The following SCUBE1 variants were observed in gnomAD, a reference collection of about 807,000 sequenced individuals.
SCUBE1 encodes the protein signal peptide, CUB domain and EGF like domain containing 1, also known as signal peptide, CUB and EGF-like domain-containing protein 1.
Under a neutral mutation model 124.4 loss-of-function variants are expected in SCUBE1, and 59 were observed. The ratio of observed to expected loss-of-function variants is 0.47; its 90% confidence interval spans 0.38 to 0.59. The LOEUF is 0.59. Among genes scored for constraint, SCUBE1 ranks in the 20% least tolerant of loss-of-function variants. SCUBE1 has a pLI of 0.00. For synonymous variants in SCUBE1, 545 were observed against 550.9 expected, an observed-to-expected ratio of 0.99 and a Z score of 0.15; for missense variants, 1,150 against 1,371.2, an observed-to-expected ratio of 0.84 and a Z score of 2.55.
intron 7 of SCUBE1, chr22:43,238,450 A>G (rs566535245): frequency 1.3e-5 from 7 of 528,948 alleles, no homozygotes; most frequent in African/African-American, 1.1e-4. Flanking sequence ...CCAAAGGTCA[A>G]GGGGTTCGGA....
intron 7 of SCUBE1, chr22:43,238,457 C>T (rs1329907068): frequency 9.3e-6 from 5 of 540,222 alleles, no homozygotes; most frequent in East Asian, 6.1e-5. Flanking sequence ...TCAAGGGGTT[C>T]GGAAACGCGC....
chr22:43,259,594 G>A (rs188321255), intron 5 of SCUBE1, among the ~76,000 whole-genome samples: 24 of 152,178 alleles, frequency 1.6e-4, no homozygotes, highest in African/African-American at 5.8e-4. Context: ...CCGACGCAGA[G>A]CCTTCCTGCC....
At chr22:43,217,670 T>C (rs1027830996) in intron 15 of SCUBE1, among the ~76,000 whole-genome samples, 3 of 152,158 alleles carry the variant, frequency 2.0e-5, no homozygotes, top group Non-Finnish European at 2.9e-5. Flanking sequence ...CCACTGTCCA[T>C]CTTCCGCACG....
At chr22:43,325,073 C>T (rs773104714) in intron 2 of SCUBE1, among the ~76,000 whole-genome samples, 2 of 151,180 alleles carry the variant, frequency 1.3e-5, no homozygotes, top group Non-Finnish European at 2.9e-5. Flanking sequence ...AGAAGGCAGC[C>T]GTGGGATGAT....
chr22:43,300,548 GAT>G (rs1925733085), intron 3 of SCUBE1, among the ~76,000 whole-genome samples: 1 of 152,128 alleles, frequency 6.6e-6, no homozygotes, highest in South Asian at 2.1e-4. Flanking sequence ...TCTCTTTGGA[GAT>G]ATGTCTATTC....
chr22:43,206,154 A>ATG (rs1921264294), intron 21 of SCUBE1, among the ~76,000 whole-genome samples: 1 of 45,358 alleles, frequency 2.2e-5, no homozygotes, highest in Non-Finnish European at 4.3e-5. Context: ...TTCACCACAC[A>ATG]CCCCCCCAAA....
At chr22:43,319,270 C>T (rs1926456503) in intron 3 of SCUBE1, among the ~76,000 whole-genome samples, 1 of 152,000 alleles carries the variant, frequency 6.6e-6, no homozygotes, top group African/African-American at 2.4e-5. Flanking sequence ...AAGATTAGGG[C>T]CAGGCGCAGT....
rs532556782 is a variant in SCUBE1 at position 43,310,219 on chromosome 22, C to A, written c.349+9718G>T. 8.4e-4 allele frequency among the ~76,000 whole-genome samples: 128 copies of A among 152,210 alleles called. 1 individual carries two copies. The South Asian group carries it at 9.7e-3, about 12-fold the overall frequency. ...CAAACTCCTAACAGTTCCTACCACA[C>A]TTGTCCCCCTTCTGCTTGGACAGAG... On this transcript the variant is annotated intron_variant, in intron 3 of 21. Coordinates refer to ENST00000360835, the MANE Select transcript of SCUBE1 (RefSeq NM_173050.5).
intron 4 of SCUBE1, among the ~76,000 whole-genome samples, chr22:43,280,757 C>CTCCCTCATTGGCCACCCTCCTGTCACG (rs1924776711): frequency 1.5e-5 from 1 of 68,752 alleles, no homozygotes; most frequent in Non-Finnish European, 3.0e-5. Context: ...CTCCTGTCAC[C>CTCCCTCATTGGCCACCCTCCTGTCACG]TCCCTCATTG....
chr22:43,339,971 C>A (rs2744879), intron 1 of SCUBE1, among the ~76,000 whole-genome samples: 9 of 44,988 alleles, frequency 2.0e-4, no homozygotes, highest in African/African-American at 6.9e-4. Flanking sequence ...CTACCCCCCC[C>A]AAAGCATAGC....
At chr22:43,301,671 C>A (rs1201505769) in intron 3 of SCUBE1, among the ~76,000 whole-genome samples, 1 of 152,202 alleles carries the variant, frequency 6.6e-6, no homozygotes, top group Non-Finnish European at 1.5e-5. Context: ...CCCCCACCCA[C>A]CTGGAATCTT....
chr22:43,222,605 T>C (rs1056106855), intron 12 of SCUBE1, 33 bp downstream of exon 12: 2 of 1,466,290 alleles, frequency 1.4e-6, no homozygotes, highest in African/African-American at 3.1e-5. Flanking sequence ...AGTCACCCAG[T>C]GGCATGCAGC....
intron 2 of SCUBE1, among the ~76,000 whole-genome samples, chr22:43,332,749 A>C (rs1490974871): frequency 1.3e-5 from 2 of 152,110 alleles, no homozygotes; most frequent in African/African-American, 4.8e-5. Flanking sequence ...GAGGTTCTGG[A>C]GGCCTTCCTG....
rs1200067140 is a variant in SCUBE1, at chr22:43,281,561, C to CACCCTCCTG, written c.484+9484_484+9485insCAGGAGGGT. The stretch of plus-strand genomic sequence containing the variant: ...TCAGTCACCCTCCTGTCACCTCCCC[C>CACCCTCCTG]TCAGCCACCCTCCTGTCACCTCCCT... On this transcript the variant is annotated intron_variant, in intron 4 of 21. Transcript: ENST00000360835. Among the ~76,000 whole-genome samples the CACCCTCCTG allele has an allele frequency of 5.9e-4, 83 of 140,596 alleles. 5 individuals are homozygous for CACCCTCCTG. In the East Asian group the frequency reaches 0.013, roughly 21 times the overall value. The allele number at this position is 140,596 out of a possible 152,430, so 92.2% of individuals were successfully genotyped here.
chr22:43,300,114 G>A (rs777907199), intron 3 of SCUBE1, among the ~76,000 whole-genome samples: 7 of 152,114 alleles, frequency 4.6e-5, no homozygotes, highest in Non-Finnish European at 8.8e-5. Flanking sequence ...GGGGGTATAC[G>A]CCTTCAGCTC....
intron 3 of SCUBE1, chr22:43,317,135 G>A (rs1322945053): frequency 1.3e-5 from 2 of 152,084 alleles, no homozygotes; most frequent in African/African-American, 4.8e-5. Flanking sequence ...GGGAAAACAG[G>A]GGAAAAAAAT....
At chr22:43,286,776 A>AAATG (rs113510685) in intron 4 of SCUBE1, among the ~76,000 whole-genome samples, 20,461 of 152,048 alleles carry the variant, frequency 0.13, 1,586 homozygotes, top group African/African-American at 0.19. Flanking sequence ...GCACACGAAT[A>AAATG]AATGAATGAA....
intron 6 of SCUBE1, among the ~76,000 whole-genome samples, chr22:43,252,276 T>G (rs764291057): frequency 6.6e-6 from 1 of 152,146 alleles, no homozygotes; most frequent in Non-Finnish European, 1.5e-5. Flanking sequence ...TTGAGGGCAC[T>G]CCCCTCCCTC....
At chr22:43,225,184 G>T (rs13057508) in intron 10 of SCUBE1, among the ~76,000 whole-genome samples, 1 of 149,394 alleles carries the variant, frequency 6.7e-6, no homozygotes, top group Non-Finnish European at 1.5e-5. Flanking sequence ...GCCACTTATC[G>T]CATCACCCCC....
Sources: allele counts gnomAD v4.1 joint callset (sites outside exome capture counted in the v4.1 genomes callset), GRCh38; gene constraint gnomAD v4.1.1; transcripts MANE v1.5; gene names NCBI Gene and HGNC (gene_info 2026-07-23, HGNC 2026-07-21).